Variants in RAI1 observed in about 807,000 individuals in gnomAD.
RAI1 encodes retinoic acid-induced protein 1.
Under a neutral mutation model 123.8 loss-of-function variants are expected in RAI1, and 9 were observed. The observed-to-expected ratio is 0.07, with a 90% CI of 0.04 to 0.13. The LOEUF (loss-of-function observed/expected upper bound fraction) is 0.13. RAI1 is among the 10% of genes least tolerant of loss of function. RAI1 has a pLI of 1.00. For missense variants in RAI1, 2,256 were observed against 2,545.8 expected, an observed-to-expected ratio of 0.89 and a Z score of 2.45; for synonymous variants, 1,231 against 1,127.3, an observed-to-expected ratio of 1.09 and a Z score of -1.84.
chr17:17,809,468 AG>A lies in RAI1; in HGVS notation c.5709+33del. 1 of 1,567,680 alleles carries A rather than the reference AG, an allele frequency of 6.4e-7. No homozygotes were observed. Among genetic ancestry groups the A allele is most frequent in the Non-Finnish European group, 8.8e-7 (1 of 1,138,572 alleles). On this transcript the variant is annotated intron_variant, in intron 5 of 5. Transcript: ENST00000353383. This position sits in a 1 kb window ranked among gnomAD's most constrained non-coding sequence, Gnocchi z 4.9. ...GGGGACCACAGTGTTTTGTAGGGCGAGGGGTGTCAAGCGGGAGAGGAGCCCC... is the reference window on the plus strand; with the variant it reads ...GGGGACCACAGTGTTTTGTAGGGCGAGGGTGTCAAGCGGGAGAGGAGCCCC...
intron 4 of RAI1, 21 bp downstream of exon 4, chr17:17,803,870 AG>A (rs772529313): frequency 3.4e-5 from 54 of 1,607,752 alleles, no homozygotes; most frequent in Non-Finnish European, 4.3e-5. Context: ...GCCCAGGAAC[AG>A]GAGGGCATTG....
At chr17:17,703,003 G>A (rs188136920) in intron 1 of RAI1, among the ~76,000 whole-genome samples, 1 of 152,362 alleles carries the variant, frequency 6.6e-6, no homozygotes, top group East Asian at 1.9e-4. Flanking sequence ...TCATCTCTCT[G>A]ACAGTGGTTA....
At position 17,810,154 on chromosome 17, in the gene RAI1, T is replaced by C; in HGVS notation, c.*173T>C. On this transcript the variant is annotated 3_prime_UTR_variant, in exon 6 of 6. Coordinates refer to ENST00000353383, the MANE Select transcript of RAI1 (RefSeq NM_030665.4). This position sits in a 1 kb window ranked among gnomAD's most constrained non-coding sequence, Gnocchi z 4.6. ...GATCCGGCCGCCTAGGGCTCAGACT[T>C]GCGGCCCCGGGTTGGGAGGAAAACC... 10 of 944,222 alleles carry C rather than the reference T, an allele frequency of 1.1e-5. No homozygotes were observed. Among genetic ancestry groups the C allele is most frequent in the Non-Finnish European group, 1.5e-5 (10 of 660,538 alleles). The allele number at this position is 944,222 out of a possible 1,614,324, so 58.5% of individuals were successfully genotyped here.
At chr17:17,805,161 C>A (rs577344155) in intron 4 of RAI1, among the ~76,000 whole-genome samples, 4 of 152,128 alleles carry the variant, frequency 2.6e-5, no homozygotes, top group African/African-American at 9.6e-5. Context: ...GTGCCCGGCC[C>A]CTAGTAGCGT....
intron 2 of RAI1, among the ~76,000 whole-genome samples, chr17:17,747,843 T>A (rs949203379): frequency 6.6e-6 from 1 of 152,138 alleles, no homozygotes; most frequent in South Asian, 2.1e-4. Flanking sequence ...AGCAGGAGGA[T>A]CTTTGAGCCC....
At chr17:17,725,377 A>G (rs1916052072) in intron 2 of RAI1, among the ~76,000 whole-genome samples, 1 of 152,126 alleles carries the variant, frequency 6.6e-6, no homozygotes, top group Admixed American at 6.5e-5. Context: ...TGACCCGGAG[A>G]TCCGGACGCC....
At chr17:17,722,710 C>T (rs1567848718) in intron 1 of RAI1, among the ~76,000 whole-genome samples, 1 of 152,212 alleles carries the variant, frequency 6.6e-6, no homozygotes, top group Admixed American at 6.5e-5. Context: ...GTAGGCGTCT[C>T]CCCCAGCTGG....
chr17:17,746,634 CTTTTTTTTTTTTT>C lies in RAI1; in HGVS notation c.-17+22481_-17+22493del, dbSNP rs377692656. On this transcript the variant is annotated intron_variant, in intron 2 of 5. Coordinates refer to ENST00000353383, the MANE Select transcript of RAI1 (RefSeq NM_030665.4). Reference sequence around the variant, plus strand: ...GTTTTCTTTTTTTTTCTTTTCTTTTCTTTTTTTTTTTTTTTTTTGAGATGGAGTTTCGCTTTTG... The same window carrying C: ...GTTTTCTTTTTTTTTCTTTTCTTTTCTTTTTGAGATGGAGTTTCGCTTTTG... Among the ~76,000 whole-genome samples, 3 of 120,402 alleles carry C rather than the reference CTTTTTTTTTTTTT, an allele frequency of 2.5e-5. No homozygotes were observed. The South Asian group carries it at 7.7e-4, about 31-fold the overall frequency. 79.0% of individuals were successfully genotyped at this position (120,402 alleles called of 152,430 possible). A position where few individuals can be genotyped will look rare whatever the true frequency, so the allele number is the denominator to read the frequency against.
intron 2 of RAI1, among the ~76,000 whole-genome samples, chr17:17,781,453 T>A (rs890913992): frequency 1.3e-5 from 2 of 152,126 alleles, no homozygotes; most frequent in African/African-American, 4.8e-5. Flanking sequence ...CAGGCTGGGG[T>A]TTGCATGGGT....
intron 1 of RAI1, among the ~76,000 whole-genome samples, chr17:17,700,802 G>T (rs1915196815): frequency 7.6e-6 from 1 of 131,726 alleles, no homozygotes; most frequent in Admixed American, 7.1e-5. Context: ...GTTCAACCGC[G>T]CCGGCTTCGT....
At position 17,795,036 on chromosome 17, in the gene RAI1, G is replaced by A. The variant is rs368878818; in HGVS notation, c.2088G>A (p.Thr696=). The A allele has an allele frequency of 4.3e-6, 7 of 1,614,026 alleles. No individual in the cohort carries two copies. Among genetic ancestry groups the A allele is most frequent in the East Asian group, 2.2e-5 (1 of 44,890 alleles). ...AAGACCCTTCCGTGGCCTTCGCTAC[G>A]CCTGACCCCAAAAAGACAACTGGTC... ...LFEDPSVAFA[T]PDPKKTTGPL... The change falls in exon 3 of 6, where the codon ACG becomes ACA. Residue 696 remains threonine, a synonymous_variant. Coordinates refer to ENST00000353383, the MANE Select transcript of RAI1 (RefSeq NM_030665.4). The surrounding 1 kb of genome is among the most constrained non-coding windows in gnomAD (Gnocchi z 5.9).
At chr17:17,708,767 A>G (rs1228623956) in intron 1 of RAI1, among the ~76,000 whole-genome samples, 1 of 152,202 alleles carries the variant, frequency 6.6e-6, no homozygotes, top group East Asian at 1.9e-4. Flanking sequence ...AAGTTAGAAG[A>G]CTGTGGTCCC....
chr17:17,709,791 C>T (rs758412316), intron 1 of RAI1, among the ~76,000 whole-genome samples: 3 of 152,194 alleles, frequency 2.0e-5, no homozygotes, highest in East Asian at 1.9e-4. Flanking sequence ...CAGCTCCGTG[C>T]GGGCCTGGGG....
chr17:17,700,835 C>T (rs949327466), intron 1 of RAI1, among the ~76,000 whole-genome samples: 1 of 152,230 alleles, frequency 6.6e-6, no homozygotes, highest in Non-Finnish European at 1.5e-5. Flanking sequence ...CGTCCCCCGG[C>T]CATCTTGGGC....
At chr17:17,682,284 G>A (rs1004320274) in intron 1 of RAI1, among the ~76,000 whole-genome samples, 1 of 151,758 alleles carries the variant, frequency 6.6e-6, no homozygotes, top group Non-Finnish European at 1.5e-5. Context: ...TTGGGAGTCA[G>A]GGCCGGCGAA....
chr17:17,743,462 G>A (rs11653424), intron 2 of RAI1, among the ~76,000 whole-genome samples: 12,123 of 152,296 alleles, frequency 0.08, 650 homozygotes, highest in African/African-American at 0.14. Flanking sequence ...CGGTTCCAGA[G>A]GGGTGTGGAG....
chr17:17,722,110 C>G (rs1170938320), intron 1 of RAI1, among the ~76,000 whole-genome samples: 2 of 151,902 alleles, frequency 1.3e-5, no homozygotes, highest in South Asian at 2.1e-4. Flanking sequence ...AGGTGGAGGC[C>G]GAGGAGAATG....
At chr17:17,749,992 G>T (rs2030090925) in intron 2 of RAI1, among the ~76,000 whole-genome samples, 1 of 152,216 alleles carries the variant, frequency 6.6e-6, no homozygotes, top group Non-Finnish European at 1.5e-5. Flanking sequence ...CCGGAGGATG[G>T]TGAGTATTTC....
chr17:17,782,235 G>A (rs2031611968), intron 2 of RAI1: 3 of 152,180 alleles, frequency 2.0e-5, no homozygotes, highest in Non-Finnish European at 2.9e-5. Flanking sequence ...CCGCGTCCTC[G>A]GCTGGTGGAG....
Sources: allele counts gnomAD v4.1 joint callset (sites outside exome capture counted in the v4.1 genomes callset), GRCh38; gene constraint gnomAD v4.1.1; non-coding constraint Gnocchi (gnomAD v3.1); transcripts MANE v1.5; gene names NCBI Gene and HGNC (gene_info 2026-07-23, HGNC 2026-07-21).